DGAT2L6: variants seen among roughly 807,000 people sequenced by gnomAD.
The protein encoded by DGAT2L6 is diacylglycerol O-acyltransferase 2-like protein 6.
A neutral mutation model predicts 25.5 loss-of-function variants in DGAT2L6; 22 were observed. That is an observed-to-expected ratio of 0.86 (90% CI 0.62 to 1.23). DGAT2L6 has a LOEUF of 1.23. Among genes scored for constraint, DGAT2L6 ranks in the 50% most tolerant of loss-of-function variants. DGAT2L6 has a pLI of 0.00. For missense variants in DGAT2L6, 287 were observed against 253.2 expected, an observed-to-expected ratio of 1.13 and a Z score of -0.91; for synonymous variants, 100 against 94.7, an observed-to-expected ratio of 1.06 and a Z score of -0.32.
intron 1 of DGAT2L6, among the ~76,000 whole-genome samples, chrX:70,190,219 A>C (rs2085371624): frequency 8.9e-6 from 1 of 112,246 alleles, no homozygotes; most frequent in African/African-American, 3.2e-5. Context: ...GTGTAGGAAA[A>C]TTTGATGTCC....
intron 1 of DGAT2L6, among the ~76,000 whole-genome samples, chrX:70,185,854 GT>G (rs57366005): frequency 5.3e-5 from 5 of 94,814 alleles, no homozygotes; most frequent in African/African-American, 1.1e-4. Flanking sequence ...AACTACTTTT[GT>G]TTTTTTTTTG....
At position 70,205,464 on chromosome X, in the gene DGAT2L6, C is replaced by T. The variant is rs1380230395; in HGVS notation, c.*358C>T. Reference sequence around the variant, plus strand: ...AATACTGTGCCCCTTTCTCCTAAACCTTAGTTCACCATCACTACGTAGGTT... The same window carrying T: ...AATACTGTGCCCCTTTCTCCTAAACTTTAGTTCACCATCACTACGTAGGTT... On this transcript the variant is annotated 3_prime_UTR_variant, in exon 7 of 7. Transcript: ENST00000333026. 6.5e-6 allele frequency: 1 copy of T among 153,117 alleles called. No homozygotes were observed. The highest frequency in any genetic ancestry group is 3.1e-5 in the African/African-American group (1 of 32,488). The allele number at this position is 153,117 out of a possible 1,213,427, so 12.6% of individuals were successfully genotyped here. A position where few individuals can be genotyped will look rare whatever the true frequency, so the allele number is the denominator to read the frequency against.
chrX:70,185,628 C>T (rs1365453565), intron 1 of DGAT2L6, among the ~76,000 whole-genome samples: 1 of 111,504 alleles, frequency 9.0e-6, no homozygotes, highest in Non-Finnish European at 1.9e-5. Flanking sequence ...ACCATGCTTG[C>T]ATTATTTTCA....
rs192194351 is a variant in DGAT2L6, at chrX:70,185,738, T to A, written c.85+8071T>A. ...ATTTCATATGAGGTAGGCTCATCAA[T>A]GTTTACTGAATTATTAAATTACCTG... is the stretch of plus-strand genomic sequence containing the variant. On this transcript the variant is annotated intron_variant, in intron 1 of 6. Transcript: ENST00000333026. Among the ~76,000 whole-genome samples the A allele has an allele frequency of 1.4e-3, 161 of 111,811 alleles. 1 individual carries two copies. Among genetic ancestry groups the A allele is most frequent in the Non-Finnish European group, 2.4e-3 (130 of 53,172 alleles).
At chrX:70,202,492 A>G (rs957724485) in intron 5 of DGAT2L6, among the ~76,000 whole-genome samples, 2 of 112,160 alleles carry the variant, frequency 1.8e-5, no homozygotes, top group African/African-American at 6.5e-5. Flanking sequence ...TTATTCATTC[A>G]GCAGTTACGG....
Position 70,200,286 on chromosome X carries a change from A to G in DGAT2L6, c.299A>G (p.His100Arg), listed in dbSNP as rs781098338. 1 of 1,211,297 alleles carries G rather than the reference A, an allele frequency of 8.3e-7. No homozygotes were observed. Among genetic ancestry groups the G allele is most frequent in the Non-Finnish European group, 1.1e-6 (1 of 895,321 alleles). The change falls in exon 4 of 7, where the codon CAC (histidine) becomes CGC (arginine). Residue 100 changes from histidine (H) to arginine (R), a missense_variant. His to Arg is a conservative substitution (Grantham distance 29). Transcript: ENST00000333026. ...LVKTHDLSPK[H>R]NYIIANHPHG... ...AAGACTCATGATCTTTCTCCCAAAC[A>G]CAACTACATCATTGCCAATCACCCC... is the stretch of plus-strand genomic sequence containing the variant.
Position 70,193,312 on chromosome X carries a change from GA to G in DGAT2L6, c.86-5945del, listed in dbSNP as rs373512665. Among the ~76,000 whole-genome samples the G allele has an allele frequency of 7.5e-3, 548 of 72,630 alleles. 1 individual carries two copies. Among genetic ancestry groups the G allele is most frequent in the Non-Finnish European group, 0.01 (366 of 36,155 alleles). The allele number at this position is 72,630 out of a possible 115,157, so 63.1% of individuals were successfully genotyped here. A position where few individuals can be genotyped will look rare whatever the true frequency, so the allele number is the denominator to read the frequency against. On this transcript the variant is annotated intron_variant, in intron 1 of 6. Transcript: ENST00000333026. ...AACAGAGTGAAAGTGTGTGTCAAAA[GA>G]AAAAAAAAAAAAAGGATTAATGTCA...
chrX:70,186,529 G>A (rs1199504), intron 1 of DGAT2L6, among the ~76,000 whole-genome samples: 11,833 of 111,273 alleles, frequency 0.11, 1,100 homozygotes, highest in African/African-American at 0.3. Context: ...TTGAGGGAAT[G>A]GGAAGTAGAC....
At chrX:70,185,804 C>A (rs2085357647) in intron 1 of DGAT2L6, among the ~76,000 whole-genome samples, 1 of 110,460 alleles carries the variant, frequency 9.1e-6, no homozygotes, top group African/African-American at 3.3e-5. Context: ...TATTTGGATC[C>A]AACAAGTAAT....
At chrX:70,180,239 A>T (rs910026502) in intron 1 of DGAT2L6, among the ~76,000 whole-genome samples, 1 of 111,082 alleles carries the variant, frequency 9.0e-6, no homozygotes, top group African/African-American at 3.3e-5. Context: ...TCACAAGATC[A>T]AGAGATCGAG....
At chrX:70,185,697 G>A (rs2085357282) in intron 1 of DGAT2L6, among the ~76,000 whole-genome samples, 1 of 110,786 alleles carries the variant, frequency 9.0e-6, no homozygotes, top group East Asian at 2.8e-4. Context: ...CTGTCCCCAT[G>A]GCTTTTAACA....
At chrX:70,181,072 G>A (rs1446326699) in intron 1 of DGAT2L6, among the ~76,000 whole-genome samples, 1 of 111,856 alleles carries the variant, frequency 8.9e-6, no homozygotes, top group Non-Finnish European at 1.9e-5. Flanking sequence ...ACCCAGAAAT[G>A]GAATTCCTGG....
intron 4 of DGAT2L6, 65 bp downstream of exon 4, chrX:70,200,524 C>T (rs1426958249): frequency 2.0e-6 from 2 of 989,133 alleles, no homozygotes; most frequent in East Asian, 6.5e-5. Context: ...CCAATAAGTC[C>T]TGACAATCAC....
intron 1 of DGAT2L6, among the ~76,000 whole-genome samples, chrX:70,197,642 T>G: frequency 8.9e-6 from 1 of 112,878 alleles, no homozygotes; most frequent in South Asian, 3.6e-4. Context: ...AGATATTTGT[T>G]GAACACCTAC....
chrX:70,196,968 GT>G (rs908234215), intron 1 of DGAT2L6, among the ~76,000 whole-genome samples: 8 of 110,449 alleles, frequency 7.2e-5, no homozygotes, highest in Non-Finnish European at 1.3e-4. Flanking sequence ...GCATATATTA[GT>G]TTTTTTTTCT....
At chrX:70,187,853 C>G in intron 1 of DGAT2L6, among the ~76,000 whole-genome samples, 1 of 112,051 alleles carries the variant, frequency 8.9e-6, no homozygotes, top group Admixed American at 9.4e-5. Context: ...AGGGAAGTAA[C>G]AGCTAGAGCT....
chrX:70,198,338 A>G (rs1479248525), intron 1 of DGAT2L6, among the ~76,000 whole-genome samples: 1 of 112,091 alleles, frequency 8.9e-6, no homozygotes, highest in Non-Finnish European at 1.9e-5. Flanking sequence ...TGAACACAGT[A>G]AAGTGTTTTT....
chrX:70,190,630 T>A (rs1448334644), intron 1 of DGAT2L6, among the ~76,000 whole-genome samples: 1 of 111,984 alleles, frequency 8.9e-6, no homozygotes, highest in African/African-American at 3.2e-5. Context: ...GGACTGCCAA[T>A]CTTGGTCCCA....
intron 5 of DGAT2L6, 143 bp downstream of exon 5, chrX:70,202,207 C>A: frequency 1.9e-6 from 1 of 514,037 alleles, no homozygotes; most frequent in Non-Finnish European, 2.8e-6. Context: ...TCACATTGTG[C>A]CTTAGGGATG....
Sources: allele counts gnomAD v4.1 joint callset (sites outside exome capture counted in the v4.1 genomes callset), GRCh38; gene constraint gnomAD v4.1.1; transcripts MANE v1.5; gene names NCBI Gene and HGNC (gene_info 2026-07-23, HGNC 2026-07-21).